Variants in PDIA4 observed in about 807,000 individuals in gnomAD.
The protein encoded by PDIA4 is protein disulfide-isomerase A4.
A neutral mutation model predicts 62.1 loss-of-function variants in PDIA4; 33 were observed. The ratio of observed to expected loss-of-function variants is 0.53; its 90% CI spans 0.40 to 0.71. The LOEUF (loss-of-function observed/expected upper bound fraction) is 0.71, where lower values mean the gene tolerates loss of function less well. Ranked by LOEUF, PDIA4 falls within the 30% of genes least tolerant of loss-of-function variation. PDIA4 has a pLI of 0.00. For synonymous variants in PDIA4, 341 were observed against 324.1 expected (o/e 1.05, Z -0.56); for missense variants, 804 against 813.6 (o/e 0.99, Z 0.14).
chr7:149,008,386 G>A, intron 6 of PDIA4, 76 bp from the exon 7 acceptor site: 2 of 1,458,386 alleles, frequency 1.4e-6, no homozygotes, highest in East Asian at 4.6e-5. Flanking sequence ...ACCCACATCA[G>A]CCAAAGCAAA....
chr7:149,016,210 C>G (rs539932585), intron 3 of PDIA4, among the ~76,000 whole-genome samples: 124 of 152,284 alleles, frequency 8.1e-4, no homozygotes, highest in Non-Finnish European at 1.4e-3. Context: ...CAGGAGAACC[C>G]ACTTGAACCC....
At chr7:149,017,007 A>G (rs1016330419) in intron 3 of PDIA4, among the ~76,000 whole-genome samples, 10 of 152,328 alleles carry the variant, frequency 6.6e-5, no homozygotes, top group African/African-American at 2.4e-4. Context: ...GGAGCAGAGG[A>G]GAGCCTCTCA....
chr7:149,022,533 GC>G (rs1824390059), intron 1 of PDIA4, among the ~76,000 whole-genome samples: 1 of 152,152 alleles, frequency 6.6e-6, no homozygotes, highest in African/African-American at 2.4e-5. Flanking sequence ...TAACGCTGAA[GC>G]CAGAATGTTT....
intron 6 of PDIA4, 96 bp from the exon 7 acceptor site, chr7:149,008,406 A>T: frequency 7.5e-7 from 1 of 1,329,250 alleles, no homozygotes; most frequent in Non-Finnish European, 1.1e-6. Context: ...ATGTTCTGAA[A>T]ATGACCACTG....
Position 149,006,148 on chromosome 7 carries a change from TG to T in PDIA4, c.1132-96del, listed in dbSNP as rs1255235665. Reference sequence around the variant, plus strand: ...AGGGACTTTGGGGGAGTGGCGACTTTGAAGGGGATCAGTCTTAGGAGGCAAA... The same window carrying T: ...AGGGACTTTGGGGGAGTGGCGACTTTAAGGGGATCAGTCTTAGGAGGCAAA... On this transcript the variant is annotated intron_variant, in intron 7 of 9. Transcript: ENST00000652332. 3.7e-6 allele frequency: 5 copies of T among 1,346,336 alleles called. No homozygotes were observed. In the African/African-American group the frequency reaches 7.5e-5, roughly 20 times the overall value. The allele number at this position is 1,346,336 out of a possible 1,614,324, so 83.4% of individuals were successfully genotyped here. A position where few individuals can be genotyped will look rare whatever the true frequency, so the allele number is the denominator to read the frequency against.
chr7:149,017,956 G>T (rs924671823), intron 3 of PDIA4, among the ~76,000 whole-genome samples: 3 of 152,112 alleles, frequency 2.0e-5, no homozygotes, highest in African/African-American at 7.2e-5. Flanking sequence ...TTGGGCGGGC[G>T]TGGTGGTTCA....
chr7:149,008,230 GC>G lies in PDIA4; in HGVS notation c.1059del (p.Gln354SerfsTer4). The G allele has an allele frequency of 6.2e-7, 1 of 1,614,076 alleles. No homozygotes were observed. The highest frequency in any genetic ancestry group is 2.2e-5 in the East Asian group (1 of 44,882). ...EIAKFLKVSQ[G>X]QLVVMQPEKF... The stretch of plus-strand genomic sequence containing the variant: ...TTCTCAGGCTGCATTACAACCAACT[GC>G]CCCTGGGAGACTTTCAAGAACTTTG... On this transcript the variant is annotated frameshift_variant, in exon 7 of 10. Transcript: ENST00000652332. LOFTEE classifies it high-confidence loss of function.
Position 149,011,960 on chromosome 7 carries a change from C to T in PDIA4, c.865G>A (p.Glu289Lys), listed in dbSNP as rs764047250. The T allele has an allele frequency of 6.2e-7, 1 of 1,609,120 alleles. No individual in the cohort carries two copies. Among genetic ancestry groups the T allele is most frequent in the Non-Finnish European group, 8.5e-7 (1 of 1,177,236 alleles). ...MIEQSGPPSKEILTLKQVQEF... is the reference protein window; with the variant it reads ...MIEQSGPPSKKILTLKQVQEF... The stretch of plus-strand genomic sequence containing the variant: ...TGGACCTGCTTCAGGGTCAGAATCT[C>T]CTTGGAGGGAGGCCCGGACTGCTCG... The change falls in exon 6 of 10, where the codon GAG (glutamate) becomes AAG (lysine). Residue 289 changes from glutamate (E) to lysine (K), a missense_variant. Physicochemically the swap from Glu to Lys is moderately conservative, Grantham distance 56. Transcript: ENST00000652332.
intron 4 of PDIA4, 108 bp from the exon 5 acceptor site, chr7:149,012,468 C>A: frequency 2.2e-6 from 2 of 902,814 alleles, no homozygotes. Context: ...CCTGGCCACA[C>A]CCAGTAAGCC....
chr7:149,006,123 AG>A (rs1258712379), intron 7 of PDIA4, 70 bp from the exon 8 acceptor site: 1 of 1,491,662 alleles, frequency 6.7e-7, no homozygotes, highest in Admixed American at 2.8e-5. Flanking sequence ...ACAATGTTTG[AG>A]GGACTTTGGG....
chr7:149,019,243 G>A (rs1824258698), intron 2 of PDIA4, 46 bp from the exon 3 acceptor site: 5 of 1,341,452 alleles, frequency 3.7e-6, no homozygotes, highest in Admixed American at 1.7e-5. Context: ...CTGTACCTAT[G>A]GGATTTAAAT....
intron 1 of PDIA4, among the ~76,000 whole-genome samples, chr7:149,023,864 G>A (rs1384057036): frequency 6.6e-6 from 1 of 152,168 alleles, no homozygotes; most frequent in Admixed American, 6.5e-5. Flanking sequence ...ATTACAATGT[G>A]ACAGAGCTCT....
At chr7:149,008,119 C>T (rs766715500) in intron 7 of PDIA4, 40 bp downstream of exon 7, 13 of 1,594,684 alleles carry the variant, frequency 8.2e-6, no homozygotes, top group Middle Eastern at 1.7e-4. Context: ...CTCATGCCTG[C>T]GGGGTGTCCA....
intron 1 of PDIA4, among the ~76,000 whole-genome samples, chr7:149,026,512 G>A (rs1377736091): frequency 6.6e-6 from 1 of 152,128 alleles, no homozygotes; most frequent in Non-Finnish European, 1.5e-5. Flanking sequence ...TTAGCTGGGT[G>A]TGGTGGCACG....
At position 149,028,437 on chromosome 7, in the gene PDIA4, G is replaced by C. The variant is rs920876619; in HGVS notation, c.-29C>G. 13 of 1,422,392 alleles carry C rather than the reference G, an allele frequency of 9.1e-6. No individual in the cohort carries two copies. Among genetic ancestry groups the C allele is most frequent in the Admixed American group, 7.7e-5 (3 of 38,940 alleles). The allele number at this position is 1,422,392 out of a possible 1,614,324, so 88.1% of individuals were successfully genotyped here. ...AGCGGGGGCGGAGCGCGGCCTCCTA[G>C]CGTCGGCGGCCGCTGAGCGCACCGA... On this transcript the variant is annotated 5_prime_UTR_variant, in exon 1 of 10. Transcript: ENST00000652332.
At chr7:149,019,799 A>G (rs892004856) in intron 2 of PDIA4, among the ~76,000 whole-genome samples, 1 of 152,210 alleles carries the variant, frequency 6.6e-6, no homozygotes, top group African/African-American at 2.4e-5. Flanking sequence ...CAAAAGAGTG[A>G]AAATCTGTCT....
intron 9 of PDIA4, among the ~76,000 whole-genome samples, chr7:149,004,691 G>C (rs1044746688): frequency 1.3e-5 from 2 of 152,222 alleles, no homozygotes; most frequent in Non-Finnish European, 2.9e-5. Context: ...AGGCTCTGAA[G>C]CCACAAGGGG....
intron 1 of PDIA4, among the ~76,000 whole-genome samples, chr7:149,025,070 CAAAAA>C (rs1184341612): frequency 7.1e-5 from 5 of 70,234 alleles, no homozygotes; most frequent in African/African-American, 1.9e-4. Flanking sequence ...AACTCCATCT[CAAAAA>C]AAAAAAAAAA....
At chr7:149,017,978 C>T (rs1211707816) in intron 3 of PDIA4, among the ~76,000 whole-genome samples, 3 of 152,168 alleles carry the variant, frequency 2.0e-5, no homozygotes, top group Non-Finnish European at 4.4e-5. Context: ...GCCTGTAATC[C>T]CAGCACTTTA....
Sources: allele counts gnomAD v4.1 joint callset (sites outside exome capture counted in the v4.1 genomes callset), GRCh38; gene constraint gnomAD v4.1.1; transcripts MANE v1.5; gene names NCBI Gene and HGNC (gene_info 2026-07-23, HGNC 2026-07-21).